KATNAL1: variants seen among roughly 807,000 people sequenced by gnomAD.
KATNAL1 encodes the protein katanin p60 ATPase-containing subunit A-like 1.
Under a neutral mutation model 55.2 loss-of-function variants are expected in KATNAL1, and 32 were observed. The observed-to-expected ratio is 0.58, with a 90% confidence interval of 0.44 to 0.78. KATNAL1 has a LOEUF of 0.78. Ranked by LOEUF, KATNAL1 falls within the 30% of genes least tolerant of loss-of-function variation. The pLI is 0.00. For synonymous variants in KATNAL1, 193 were observed against 193.6 expected, an observed-to-expected ratio of 1.00 and a Z score of 0.02; for missense variants, 466 against 600.9, an observed-to-expected ratio of 0.78 and a Z score of 2.35.
intron 2 of KATNAL1, among the ~76,000 whole-genome samples, chr13:30,280,838 A>C (rs940623219): frequency 6.6e-6 from 1 of 152,204 alleles, no homozygotes; most frequent in Admixed American, 6.5e-5. Flanking sequence ...TATTTAAAAA[A>C]TTTAACTGAA....
At chr13:30,239,779 G>A (rs992997919) in intron 6 of KATNAL1, among the ~76,000 whole-genome samples, 4 of 150,752 alleles carry the variant, frequency 2.7e-5, no homozygotes, top group Admixed American at 6.6e-5. Context: ...TCCAACTCGC[G>A]GGTTCAAGCA....
At chr13:30,270,969 A>T (rs1046678977) in intron 3 of KATNAL1, among the ~76,000 whole-genome samples, 1 of 152,160 alleles carries the variant, frequency 6.6e-6, no homozygotes, top group African/African-American at 2.4e-5. Context: ...AGGGAACAAG[A>T]GTGGTGACAG....
At chr13:30,255,991 T>C (rs1175159009) in intron 3 of KATNAL1, among the ~76,000 whole-genome samples, 1 of 152,212 alleles carries the variant, frequency 6.6e-6, no homozygotes, top group East Asian at 1.9e-4. Context: ...AACTTTTTTT[T>C]AGAAAAAAGC....
rs377626503 is a variant in KATNAL1, at chr13:30,260,888, G to A, written c.324-5273C>T. Among the ~76,000 whole-genome samples the A allele has an allele frequency of 1.0e-3, 150 of 149,692 alleles. No individual in the cohort carries two copies. The East Asian group carries it at 0.019, about 19-fold the overall frequency. ...AGAGAACGCCACAAAGATACTCCTC[G>A]AGAAGAGCAACTCCAAGACACATAA... On this transcript the variant is annotated intron_variant, in intron 3 of 10. Transcript: ENST00000380615.
chr13:30,268,323 A>G (rs1566117585), intron 3 of KATNAL1, among the ~76,000 whole-genome samples: 1 of 152,268 alleles, frequency 6.6e-6, no homozygotes, highest in Non-Finnish European at 1.5e-5. Context: ...ACAAAAAGCA[A>G]GATGACTCTC....
chr13:30,213,718 C>A (rs1312967739), intron 9 of KATNAL1, among the ~76,000 whole-genome samples: 3 of 152,106 alleles, frequency 2.0e-5, no homozygotes, highest in African/African-American at 7.2e-5. Context: ...TGACAAAATT[C>A]AACAACCCTT....
intron 3 of KATNAL1, among the ~76,000 whole-genome samples, chr13:30,256,001 C>A (rs547962623): frequency 1.6e-4 from 24 of 152,212 alleles, no homozygotes; most frequent in African/African-American, 5.5e-4. Context: ...TAGAAAAAAG[C>A]ATTAAAAGCT....
chr13:30,231,564 C>A, intron 6 of KATNAL1, 92 bp from the exon 7 acceptor site: 2 of 772,014 alleles, frequency 2.6e-6, no homozygotes, highest in Non-Finnish European at 1.8e-6. Context: ...TGAGATTTTT[C>A]CATCAAAAGA....
intron 1 of KATNAL1, chr13:30,296,470 A>G: frequency 1.7e-6 from 1 of 598,248 alleles, no homozygotes; most frequent in Non-Finnish European, 3.1e-6. Flanking sequence ...CTAATGTGGC[A>G]ATCTGAGGAT....
chr13:30,270,774 C>T (rs1160959540), intron 3 of KATNAL1, among the ~76,000 whole-genome samples: 8 of 149,518 alleles, frequency 5.4e-5, no homozygotes, highest in Non-Finnish European at 1.0e-4. Flanking sequence ...ACAAACACTG[C>T]GGAAGGCCGC....
At chr13:30,260,537 A>C (rs1879189546) in intron 3 of KATNAL1, among the ~76,000 whole-genome samples, 1 of 152,212 alleles carries the variant, frequency 6.6e-6, no homozygotes, top group Admixed American at 6.5e-5. Context: ...GAACTGATGG[A>C]GCTGAAAACC....
intron 1 of KATNAL1, 83 bp from the exon 2 acceptor site, chr13:30,283,874 C>A: frequency 6.4e-6 from 6 of 932,556 alleles, no homozygotes; most frequent in African/African-American, 1.7e-5. Context: ...ATGTTTAAAA[C>A]TACTTTTTTT....
chr13:30,234,313 A>G (rs1197976758), intron 6 of KATNAL1, among the ~76,000 whole-genome samples: 1 of 152,190 alleles, frequency 6.6e-6, no homozygotes, highest in East Asian at 1.9e-4. Flanking sequence ...GCCAACCTTC[A>G]ATGGTTTATG....
At chr13:30,273,094 G>A (rs1442932729) in intron 3 of KATNAL1, among the ~76,000 whole-genome samples, 1 of 152,134 alleles carries the variant, frequency 6.6e-6, no homozygotes, top group Non-Finnish European at 1.5e-5. Flanking sequence ...TGTCCATCTA[G>A]CCCATGCATC....
At chr13:30,238,602 A>G (rs1876933969) in intron 6 of KATNAL1, among the ~76,000 whole-genome samples, 1 of 152,222 alleles carries the variant, frequency 6.6e-6, no homozygotes, top group African/African-American at 2.4e-5. Context: ...TACAAATTGT[A>G]GCTTGAATCC....
At chr13:30,299,099 C>A (rs568649239) in intron 1 of KATNAL1, among the ~76,000 whole-genome samples, 1 of 152,060 alleles carries the variant, frequency 6.6e-6, no homozygotes, top group African/African-American at 2.4e-5. Context: ...ACAGTGGGAG[C>A]CTGGAGACAA....
At chr13:30,232,487 A>T (rs1876202459) in intron 6 of KATNAL1, among the ~76,000 whole-genome samples, 1 of 152,034 alleles carries the variant, frequency 6.6e-6, no homozygotes, top group South Asian at 2.1e-4. Flanking sequence ...TTACAAAAAT[A>T]TTTTTTTGCT....
Position 30,255,555 on chromosome 13 carries a change from TG to T in KATNAL1, c.383del (p.Ala128GlufsTer3). ...REVRPLRKEM[A>X]GVGARGPVGR... Reference sequence around the variant, plus strand: ...CTACAGGTCCCCGGGCTCCTACTCCTGCCATTTCTTTCCTCAGAGGTCTTAC... The same window carrying T: ...CTACAGGTCCCCGGGCTCCTACTCCTCCATTTCTTTCCTCAGAGGTCTTAC... On this transcript the variant is annotated frameshift_variant, in exon 4 of 11. Transcript: ENST00000380615. LOFTEE classifies it high-confidence loss of function. The T allele has an allele frequency of 1.3e-6, 2 of 1,588,160 alleles. No homozygotes were observed. Among genetic ancestry groups the T allele is most frequent in the Non-Finnish European group, 1.7e-6 (2 of 1,167,140 alleles).
At chr13:30,275,974 T>TG (rs1388296982) in intron 3 of KATNAL1, among the ~76,000 whole-genome samples, 1 of 152,184 alleles carries the variant, frequency 6.6e-6, no homozygotes, top group Non-Finnish European at 1.5e-5. Flanking sequence ...ACTACTTTCA[T>TG]GGCTTCAGGT....
Sources: gnomAD v4.1 joint callset for allele counts (sites outside exome capture counted in the v4.1 genomes callset) on GRCh38, gnomAD v4.1.1 for gene constraint, MANE v1.5 for transcripts, NCBI Gene and HGNC (gene_info 2026-07-23, HGNC 2026-07-21) for gene names.